Variants in ALOXE3 observed in about 807,000 individuals in gnomAD.
The protein encoded by ALOXE3 is arachidonate epidermal lipoxygenase 3.
Under a neutral mutation model 87.5 loss-of-function variants are expected in ALOXE3, and 78 were observed. The ratio of observed to expected loss-of-function variants is 0.89; its 90% confidence interval spans 0.74 to 1.08. ALOXE3 has a LOEUF of 1.08. Among genes scored for constraint, ALOXE3 ranks in the 50% least tolerant of loss-of-function variants. The pLI is 0.00. For synonymous variants in ALOXE3, 363 were observed against 370.8 expected, an observed-to-expected ratio of 0.98 and a Z score of 0.24; for missense variants, 946 against 912.4, an observed-to-expected ratio of 1.04 and a Z score of -0.47.
In ALOXE3 at chr17:8,103,312, C is replaced by T. The variant is rs373032438; in HGVS notation, c.1956+11G>A. 7.0e-5 allele frequency: 113 copies of T among 1,613,224 alleles called. No individual in the cohort carries two copies. The highest frequency in any genetic ancestry group is 5.9e-4 in the African/African-American group (44 of 74,892). On this transcript the variant is annotated intron_variant, in intron 15 of 15. Transcript: ENST00000448843. The stretch of plus-strand genomic sequence containing the variant: ...AAGAACCCTACTCCCCTCAACATCC[C>T]GTATACACACCTGGTCCTTGGGTTC...
intron 15 of ALOXE3, among the ~76,000 whole-genome samples, chr17:8,102,029 G>A (rs1442796854): frequency 6.6e-6 from 1 of 152,200 alleles, no homozygotes; most frequent in Non-Finnish European, 1.5e-5. Context: ...AGACGGCTGG[G>A]TGGAAACAAA....
At chr17:8,114,346 G>C in intron 6 of ALOXE3, 138 bp downstream of exon 6, 1 of 1,217,372 alleles carries the variant, frequency 8.2e-7, no homozygotes, top group Non-Finnish European at 1.2e-6. Context: ...GGCAGGGAGA[G>C]GGAATGAGTC....
chr17:8,103,209 T>G, intron 15 of ALOXE3, 114 bp downstream of exon 15: 1 of 1,262,370 alleles, frequency 7.9e-7, no homozygotes, highest in Non-Finnish European at 1.1e-6. Flanking sequence ...CCAAGGCAGT[T>G]CTGCAGTGAA....
chr17:8,110,150 C>T lies in ALOXE3; in HGVS notation c.1247G>A (p.Cys416Tyr), dbSNP rs991520978. Residue 416 changes from cysteine (C) to tyrosine (Y), a missense_variant, in exon 10 of 16, where the codon TGC becomes TAC. By Grantham distance (194) the Cys-to-Tyr change is radical (BLOSUM62 -2). Transcript: ENST00000448843. The stretch of plus-strand genomic sequence containing the variant: ...CAGCGTGGCCATGGCGAAGGCCTCG[C>T]ACAGCAAATGCGTGCACAGAAAGTG... Reference protein sequence around the residue: ...NTHFLCTHLLCEAFAMATLRQ... With the variant: ...NTHFLCTHLLYEAFAMATLRQ... 3.1e-6 allele frequency: 5 copies of T among 1,614,028 alleles called. No individual in the cohort carries two copies. Among genetic ancestry groups the T allele is most frequent in the Non-Finnish European group, 4.2e-6 (5 of 1,179,920 alleles).
intron 15 of ALOXE3, among the ~76,000 whole-genome samples, chr17:8,098,130 A>C (rs1333909316): frequency 6.6e-6 from 1 of 152,152 alleles, no homozygotes; most frequent in Non-Finnish European, 1.5e-5. Context: ...TAGCAGCAGT[A>C]ATAGTGGGCA....
chr17:8,108,806 C>T (rs1979735771), intron 12 of ALOXE3, among the ~76,000 whole-genome samples: 1 of 152,124 alleles, frequency 6.6e-6, no homozygotes, highest in South Asian at 2.1e-4. Flanking sequence ...TGCACAGGGG[C>T]CTGGGGGGTG....
At chr17:8,106,270 G>A (rs1979303761) in intron 13 of ALOXE3, among the ~76,000 whole-genome samples, 2 of 152,182 alleles carry the variant, frequency 1.3e-5, no homozygotes, top group South Asian at 4.1e-4. Context: ...CAGGCTGACT[G>A]GACGGAGGCT....
chr17:8,104,813 A>G (rs545667650), intron 13 of ALOXE3, among the ~76,000 whole-genome samples: 1 of 152,256 alleles, frequency 6.6e-6, no homozygotes, highest in Admixed American at 6.5e-5. Context: ...CTCCAATGGA[A>G]AAAAGACAAC....
In ALOXE3 at chr17:8,109,247, C is replaced by T. The variant is rs768920939; in HGVS notation, c.1489G>A (p.Ala497Thr). The change falls in exon 12 of 16, where the codon GCC becomes ACC. Residue 497 changes from alanine to threonine, a missense_variant. Transcript: ENST00000448843. ...TNFCLPDSLRARGVLAIPNYH... is the reference protein window; with the variant it reads ...TNFCLPDSLRTRGVLAIPNYH... ...TTGGGGATAGCCAGGACGCCGCGGG[C>T]CCGCAGGCTGTCCGGAAGGCAGAAA... The T allele has an allele frequency of 3.1e-6, 5 of 1,613,978 alleles. No homozygotes were observed. Among genetic ancestry groups the T allele is most frequent in the Admixed American group, 3.3e-5 (2 of 60,010 alleles).
Position 8,111,550 on chromosome 17 carries a change from G to A in ALOXE3, c.785-19C>T, listed in dbSNP as rs1024906116. ...ACATACTCTGGGATACAAGAGAGGGGACCAGTTGGTCTAGAAACTACTTCC... is the reference window on the plus strand; with the variant it reads ...ACATACTCTGGGATACAAGAGAGGGAACCAGTTGGTCTAGAAACTACTTCC... On this transcript the variant is annotated intron_variant, in intron 7 of 15. Transcript: ENST00000448843. The A allele has an allele frequency of 6.2e-7, 1 of 1,613,980 alleles. No homozygotes were observed. Among genetic ancestry groups the A allele is most frequent in the Non-Finnish European group, 8.5e-7 (1 of 1,179,940 alleles).
rs1255442492 is a variant in ALOXE3, at chr17:8,099,647, T to C, written c.1957-2841A>G. On this transcript the variant is annotated intron_variant, in intron 15 of 15. Transcript: ENST00000448843. ...CTGCACTCTAGCCTGGGTGACGGAG[T>C]GAGACTCTGTCTCAAAAAAAAAAAA... is the stretch of plus-strand genomic sequence containing the variant. 4.0e-5 allele frequency among the ~76,000 whole-genome samples: 6 copies of C among 149,756 alleles called. No homozygotes were observed. The East Asian group carries it at 1.2e-3, about 29-fold the overall frequency.
chr17:8,117,039 C>A (rs1239277563), intron 2 of ALOXE3, 59 bp from the exon 3 acceptor site: 21 of 1,521,334 alleles, frequency 1.4e-5, no homozygotes, highest in Non-Finnish European at 1.7e-5. Flanking sequence ...GCGGTCCTTG[C>A]GCCTTGCAAG....
rs1181291168 is a variant in ALOXE3 at position 8,118,011 on chromosome 17, G to T, written c.-21C>A. ...GCCATGATGGGAAGGAGGAAGGGAT[G>T]CCCCGGCAACGCTGGCCGCAGCAGC... On this transcript the variant is annotated 5_prime_UTR_variant, in exon 2 of 16. Transcript: ENST00000448843. 2 of 1,608,486 alleles carry T rather than the reference G, an allele frequency of 1.2e-6. No individual in the cohort carries two copies. The highest frequency in any genetic ancestry group is 2.2e-5 in the South Asian group (2 of 90,634).
Position 8,115,072 on chromosome 17 carries a change from A to G in ALOXE3, c.435-15T>C. The stretch of plus-strand genomic sequence containing the variant: ...AGATCTTCCAGCTTCCGAGGGAAAG[A>G]GGTCAGAGGTGGCAGGTCATGCTCG... On this transcript the variant is annotated splice_polypyrimidine_tract_variant and intron_variant, in intron 4 of 15. Transcript: ENST00000448843. 1 of 1,614,168 alleles carries G rather than the reference A, an allele frequency of 6.2e-7. No homozygotes were observed. The highest frequency in any genetic ancestry group is 8.5e-7 in the Non-Finnish European group (1 of 1,179,990).
intron 15 of ALOXE3, among the ~76,000 whole-genome samples, chr17:8,102,994 G>T (rs9894356): frequency 0.78 from 118,392 of 152,176 alleles, 46,568 homozygotes; most frequent in East Asian, 0.95. Context: ...GAAGGTCTCA[G>T]CCAGCGTTAT....
intron 6 of ALOXE3, among the ~76,000 whole-genome samples, chr17:8,113,845 G>A (rs1980319838): frequency 6.6e-6 from 1 of 151,960 alleles, no homozygotes; most frequent in East Asian, 1.9e-4. Context: ...TAACCAACAT[G>A]AAGAAACCCC....
chr17:8,109,457 C>G, intron 11 of ALOXE3, 114 bp from the exon 12 acceptor site: 1 of 1,419,258 alleles, frequency 7.0e-7, no homozygotes, highest in Non-Finnish European at 9.6e-7. Context: ...GTTCACCAAG[C>G]AATCCACGGA....
At position 8,117,991 on chromosome 17, in the gene ALOXE3, G is replaced by A. The variant is rs761489623; in HGVS notation, c.-1C>T. ...TCACACACAGGCGGTACACTGCCAT[G>A]ATGGGAAGGAGGAAGGGATGCCCCG... On this transcript the variant is annotated 5_prime_UTR_variant, in exon 2 of 16. Coordinates refer to ENST00000448843, the MANE Select transcript of ALOXE3 (RefSeq NM_021628.3). The A allele has an allele frequency of 1.8e-5, 29 of 1,610,576 alleles. No homozygotes were observed. The Admixed American group carries it at 4.7e-4, about 26-fold the overall frequency.
intron 14 of ALOXE3, 25 bp from the exon 15 acceptor site, chr17:8,103,518 G>A: frequency 6.2e-7 from 1 of 1,613,074 alleles, no homozygotes; most frequent in Non-Finnish European, 8.5e-7. Context: ...ATCCCAGTTG[G>A]GTCAGTTGGC....
Sources: allele counts gnomAD v4.1 joint callset (sites outside exome capture counted in the v4.1 genomes callset), GRCh38; gene constraint gnomAD v4.1.1; transcripts MANE v1.5; gene names NCBI Gene and HGNC (gene_info 2026-07-23, HGNC 2026-07-21).